The following SECTM1 variants were observed in gnomAD, a reference collection of about 807,000 sequenced individuals.
SECTM1 encodes secreted and transmembrane protein 1.
In SECTM1, 10 loss-of-function variants were observed where a neutral mutation model predicts 18.1. That is an observed-to-expected ratio of 0.55 (90% confidence interval 0.34 to 0.94). SECTM1 has a LOEUF of 0.94. SECTM1 is among the 40% of genes least tolerant of loss of function. The pLI, the probability that SECTM1 is intolerant of heterozygous loss-of-function variation, is 0.02. For synonymous variants in SECTM1, 137 were observed against 139.2 expected (o/e 0.98, Z 0.11); for missense variants, 297 against 322.6 (o/e 0.92, Z 0.61).
In SECTM1 at chr17:82,326,422, A is replaced by C. The variant is rs2052145901; in HGVS notation, c.94+725T>G. On this transcript the variant is annotated intron_variant, in intron 2 of 4. Transcript: ENST00000269389. The surrounding 1 kb of genome is among the most constrained non-coding windows in gnomAD (Gnocchi z 4.3). ...TGAGACCAGCCTGAGCAACATGGCA[A>C]AACCCCATCTCTACAAAAAATACAC... Among the ~76,000 whole-genome samples, 1 of 152,054 alleles carries C rather than the reference A, an allele frequency of 6.6e-6. No individual in the cohort carries two copies.
At chr17:82,327,586 C>G (rs1165978691) in intron 1 of SECTM1, among the ~76,000 whole-genome samples, 1 of 152,162 alleles carries the variant, frequency 6.6e-6, no homozygotes, top group African/African-American at 2.4e-5. Flanking sequence ...ATAAATTACT[C>G]GTAACTGTGC....
intron 4 of SECTM1, among the ~76,000 whole-genome samples, 164 bp from the exon 5 acceptor site, chr17:82,322,534 A>C (rs915420193): frequency 2.6e-5 from 4 of 152,064 alleles, no homozygotes; most frequent in Non-Finnish European, 4.4e-5. Context: ...CTGGAGGTTG[A>C]ACCCACTCCC....
chr17:82,323,579 G>C (rs2052117312), intron 3 of SECTM1, among the ~76,000 whole-genome samples: 1 of 151,810 alleles, frequency 6.6e-6, no homozygotes. Context: ...TTGGTGACTA[G>C]AGGGGTCAGT....
upstream of SECTM1, chr17:82,333,891 A>G (rs916956302): frequency 1.3e-5 from 2 of 152,310 alleles, no homozygotes; most frequent in African/African-American, 2.4e-5. Flanking sequence ...CGTTCACAAC[A>G]AGCGTGACGG....
chr17:82,324,496 C>T, intron 3 of SECTM1, 86 bp downstream of exon 3: 1 of 1,257,892 alleles, frequency 7.9e-7, no homozygotes, highest in Admixed American at 2.3e-5. Context: ...CCCTCTCAGT[C>T]TCAGCCCTCC....
chr17:82,322,070 G>T lies in SECTM1; in HGVS notation c.*91C>A. 1 of 1,288,960 alleles carries T rather than the reference G, an allele frequency of 7.8e-7. No homozygotes were observed. Among genetic ancestry groups the T allele is most frequent in the Non-Finnish European group, 1.1e-6 (1 of 900,188 alleles). The allele number at this position is 1,288,960 out of a possible 1,614,324, so 79.8% of individuals were successfully genotyped here. On this transcript the variant is annotated 3_prime_UTR_variant, in exon 5 of 5. Coordinates refer to ENST00000269389, the MANE Select transcript of SECTM1 (RefSeq NM_003004.3). ...GCCTGCCAAGCAAGCCGGTGTCTGT[G>T]CCCTCCGGGTGGGACGAGAGACCCA...
At position 82,321,976 on chromosome 17, in the gene SECTM1, G is replaced by C; in HGVS notation, c.*185C>G. 1.7e-6 allele frequency: 1 copy of C among 589,088 alleles called. No homozygotes were observed. Among genetic ancestry groups the C allele is most frequent in the Non-Finnish European group, 3.0e-6 (1 of 333,938 alleles). The allele number at this position is 589,088 out of a possible 1,614,324, so 36.5% of individuals were successfully genotyped here. On this transcript the variant is annotated 3_prime_UTR_variant, in exon 5 of 5. Coordinates refer to ENST00000269389, the MANE Select transcript of SECTM1 (RefSeq NM_003004.3). ...CCATTTTGGAAACTGAGGAAGCAGA[G>C]CTTGGAAGACCTGGGGGGTGGAGGG...
rs2052184592 is a variant in SECTM1 at position 82,330,717 on chromosome 17, G to T, written c.-53+2983C>A. 6.6e-6 allele frequency among the ~76,000 whole-genome samples: 1 copy of T among 152,096 alleles called. No individual in the cohort carries two copies. The highest frequency in any genetic ancestry group is 2.4e-5 in the African/African-American group (1 of 41,416). ...CTCTCGGGGGCTACAGCTGCTCCTA[G>T]ATGCCTCTGCCACCGAGGGTGGACC... On this transcript the variant is annotated intron_variant, in intron 1 of 4. Transcript: ENST00000269389. This position sits in a 1 kb window ranked among gnomAD's most constrained non-coding sequence, Gnocchi z 6.1.
chr17:82,323,221 G>A (rs1010554647), intron 3 of SECTM1: 3 of 587,418 alleles, frequency 5.1e-6, no homozygotes, highest in Non-Finnish European at 9.0e-6. Context: ...GAGACCCAGA[G>A]CGCAGGTGTG....
chr17:82,324,557 C>T (rs748190455), intron 3 of SECTM1, 25 bp downstream of exon 3: 3 of 1,574,532 alleles, frequency 1.9e-6, no homozygotes, highest in Admixed American at 1.7e-5. Flanking sequence ...TCCCCTCCCC[C>T]TTGCTTCCCC....
rs2052145453 is a variant in SECTM1 at position 82,326,374 on chromosome 17, A to G, written c.94+773T>C. Among the ~76,000 whole-genome samples, 1 of 152,044 alleles carries G rather than the reference A, an allele frequency of 6.6e-6. No homozygotes were observed. Among genetic ancestry groups the G allele is most frequent in the African/African-American group, 2.4e-5 (1 of 41,380 alleles). ...CAGCACTTTGGGAGGCCGAGGTGGG[A>G]GGATCACTTGAGCCCAGGAGTTTGA... On this transcript the variant is annotated intron_variant, in intron 2 of 4. Coordinates refer to ENST00000269389, the MANE Select transcript of SECTM1 (RefSeq NM_003004.3). This position sits in a 1 kb window ranked among gnomAD's most constrained non-coding sequence, Gnocchi z 4.3.
intron 1 of SECTM1, among the ~76,000 whole-genome samples, chr17:82,332,197 A>G (rs1345881173): frequency 6.6e-6 from 1 of 152,228 alleles, no homozygotes; most frequent in African/African-American, 2.4e-5. Context: ...GGAGGCGGCA[A>G]TCAGATTTCT....
Position 82,321,499 on chromosome 17 carries a change from G to A in SECTM1, c.*662C>T. 1 of 152,700 alleles carries A rather than the reference G, an allele frequency of 6.5e-6. No individual in the cohort carries two copies. Among genetic ancestry groups the A allele is most frequent in the South Asian group, 2.0e-4 (1 of 5,050 alleles). The allele number at this position is 152,700 out of a possible 1,614,324, so 9.5% of individuals were successfully genotyped here. On this transcript the variant is annotated 3_prime_UTR_variant, in exon 5 of 5. Transcript: ENST00000269389. ...CGGCAGGTGCGGTGGGCACGAGGGA[G>A]CGACCCCCGGGTGGCCGAGGGACTG...
In SECTM1 at chr17:82,328,224, G is replaced by T. The variant is rs1212768470; in HGVS notation, c.-52-932C>A. ...TGTCTCAGGCCTGCAAACACTAGGGGCCCCCTAGCTGTGTGGCTCCTCTCC... is the reference window on the plus strand; with the variant it reads ...TGTCTCAGGCCTGCAAACACTAGGGTCCCCCTAGCTGTGTGGCTCCTCTCC... On this transcript the variant is annotated intron_variant, in intron 1 of 4. Coordinates refer to ENST00000269389, the MANE Select transcript of SECTM1 (RefSeq NM_003004.3). The surrounding 1 kb of genome is among the most constrained non-coding windows in gnomAD (Gnocchi z 5.8). 2 of 152,138 alleles carry T rather than the reference G, an allele frequency of 1.3e-5. No individual in the cohort carries two copies. Among genetic ancestry groups the T allele is most frequent in the African/African-American group, 2.4e-5 (1 of 41,406 alleles). 9.4% of individuals were successfully genotyped at this position (152,138 alleles called of 1,614,324 possible). A position where few individuals can be genotyped will look rare whatever the true frequency, so the allele number is the denominator to read the frequency against.
intron 3 of SECTM1, 72 bp downstream of exon 3, chr17:82,324,510 T>TTCCCCC: frequency 2.9e-5 from 5 of 174,026 alleles, no homozygotes; most frequent in South Asian, 1.9e-4. Flanking sequence ...GCCCTCCCCC[T>TTCCCCC]GCCCAGGCCC....
chr17:82,331,527 C>T (rs1360935832), intron 1 of SECTM1, among the ~76,000 whole-genome samples: 1 of 152,248 alleles, frequency 6.6e-6, no homozygotes, highest in Non-Finnish European at 1.5e-5. Flanking sequence ...TCCCGTGGGA[C>T]ACTCGGGACA....
At chr17:82,323,472 A>T (rs745832468) in intron 3 of SECTM1, among the ~76,000 whole-genome samples, 1 of 120,882 alleles carries the variant, frequency 8.3e-6, no homozygotes, top group Non-Finnish European at 1.7e-5. Context: ...TGACCCGGGT[A>T]GGTCGGAACC....
intron 4 of SECTM1, 49 bp downstream of exon 4, chr17:82,322,829 C>A: frequency 6.2e-7 from 1 of 1,604,508 alleles, no homozygotes; most frequent in Non-Finnish European, 8.5e-7. Flanking sequence ...TGGGGCAGCC[C>A]CACCCAAGAC....
chr17:82,333,118 T>A (rs1017743722), intron 1 of SECTM1, among the ~76,000 whole-genome samples: 4 of 152,226 alleles, frequency 2.6e-5, no homozygotes, highest in Admixed American at 2.0e-4. Context: ...CACACGAGGC[T>A]GTGGCTGTGG....
Sources: allele counts gnomAD v4.1 joint callset (sites outside exome capture counted in the v4.1 genomes callset), GRCh38; gene constraint gnomAD v4.1.1; non-coding constraint Gnocchi (gnomAD v3.1); transcripts MANE v1.5; gene names NCBI Gene and HGNC (gene_info 2026-07-23, HGNC 2026-07-21).